Variants in DGKB observed in about 807,000 individuals in gnomAD.
DGKB encodes diacylglycerol kinase beta, also known as 90 kDa diacylglycerol kinase.
A neutral mutation model predicts 114.3 loss-of-function variants in DGKB; 67 were observed. The observed-to-expected ratio is 0.59, with a 90% CI of 0.48 to 0.72. The LOEUF (loss-of-function observed/expected upper bound fraction) is 0.72, where lower values mean the gene tolerates loss of function less well. DGKB is among the 30% of genes least tolerant of loss of function. The pLI, the probability that DGKB is intolerant of heterozygous loss-of-function variation, is 0.00. For missense variants in DGKB, 907 were observed against 975.2 expected, an observed-to-expected ratio of 0.93 and a Z score of 0.93; for synonymous variants, 398 against 323.1, an observed-to-expected ratio of 1.23 and a Z score of -2.49.
intron 23 of DGKB, among the ~76,000 whole-genome samples, chr7:14,216,725 C>CAAAAAA (rs755191130): frequency 3.4e-4 from 17 of 50,282 alleles, no homozygotes; most frequent in South Asian, 7.3e-4. Flanking sequence ...GACTCCGTCT[C>CAAAAAA]AAAAAAAAAA....
At chr7:14,551,437 C>T (rs1182146181) in intron 20 of DGKB, among the ~76,000 whole-genome samples, 1 of 152,182 alleles carries the variant, frequency 6.6e-6, no homozygotes, top group Non-Finnish European at 1.5e-5. Flanking sequence ...GAAGCCTTTA[C>T]AATTCTTATT....
At chr7:14,237,059 T>C (rs1248121848) in intron 23 of DGKB, among the ~76,000 whole-genome samples, 1 of 151,978 alleles carries the variant, frequency 6.6e-6, no homozygotes, top group Non-Finnish European at 1.5e-5. Context: ...CTTAAATTTG[T>C]GCTCTTCCTG....
At chr7:14,871,887 T>A (rs998576807) in intron 1 of DGKB, among the ~76,000 whole-genome samples, 2 of 152,206 alleles carry the variant, frequency 1.3e-5, no homozygotes, top group Non-Finnish European at 2.9e-5. Flanking sequence ...TTAGTTTTCA[T>A]ACTTTTATTT....
intron 13 of DGKB, among the ~76,000 whole-genome samples, chr7:14,639,570 G>C (rs1013412010): frequency 3.3e-5 from 5 of 152,154 alleles, no homozygotes; most frequent in Non-Finnish European, 5.9e-5. Flanking sequence ...CCTAGATAAT[G>C]ACTGACACAT....
intron 23 of DGKB, among the ~76,000 whole-genome samples, chr7:14,179,397 T>A (rs191790155): frequency 6.6e-6 from 1 of 152,348 alleles, no homozygotes; most frequent in Non-Finnish European, 1.5e-5. Flanking sequence ...AATACACAAT[T>A]GTACATTGTT....
At chr7:14,882,517 A>G (rs755852571) in intron 1 of DGKB, among the ~76,000 whole-genome samples, 1 of 152,016 alleles carries the variant, frequency 6.6e-6, no homozygotes, top group Non-Finnish European at 1.5e-5. Flanking sequence ...TGGTCAAGTC[A>G]GAGCTTTTGG....
intron 21 of DGKB, among the ~76,000 whole-genome samples, chr7:14,402,672 A>G (rs1823322276): frequency 6.6e-6 from 1 of 151,948 alleles, no homozygotes; most frequent in African/African-American, 2.4e-5. Flanking sequence ...AAGAGTGATC[A>G]TTAATTTTAT....
At chr7:14,315,588 C>A (rs1806320610) in intron 23 of DGKB, among the ~76,000 whole-genome samples, 1 of 148,560 alleles carries the variant, frequency 6.7e-6, no homozygotes, top group South Asian at 2.1e-4. Flanking sequence ...GCTAACTATC[C>A]TAAATATATA....
chr7:14,528,058 A>G (rs1790928659), intron 20 of DGKB, among the ~76,000 whole-genome samples: 1 of 152,132 alleles, frequency 6.6e-6, no homozygotes, highest in Non-Finnish European at 1.5e-5. Context: ...TTAGAGAAAA[A>G]TAACTTGCTG....
chr7:14,185,237 G>C (rs1225269398), intron 23 of DGKB, among the ~76,000 whole-genome samples: 1 of 152,058 alleles, frequency 6.6e-6, no homozygotes. Flanking sequence ...CGACCAAGTG[G>C]AGAATCAAAT....
chr7:14,463,696 G>A (rs558657675), intron 21 of DGKB, among the ~76,000 whole-genome samples: 3 of 152,268 alleles, frequency 2.0e-5, no homozygotes, highest in African/African-American at 7.2e-5. Context: ...TAGACAGAAT[G>A]TTTAGTAAAT....
intron 2 of DGKB, among the ~76,000 whole-genome samples, chr7:14,778,233 T>A (rs1838509097): frequency 6.6e-6 from 1 of 152,200 alleles, no homozygotes; most frequent in Admixed American, 6.5e-5. Context: ...TGGAACTTAT[T>A]GTTATTTTAT....
At chr7:14,867,002 A>G (rs1201262151) in intron 1 of DGKB, among the ~76,000 whole-genome samples, 1 of 152,164 alleles carries the variant, frequency 6.6e-6, no homozygotes, top group Non-Finnish European at 1.5e-5. Context: ...ATCTTTTCAC[A>G]TGCTTATTTA....
At chr7:14,861,056 A>C (rs1850907123) in intron 1 of DGKB, among the ~76,000 whole-genome samples, 1 of 151,996 alleles carries the variant, frequency 6.6e-6, no homozygotes, top group Non-Finnish European at 1.5e-5. Context: ...ATTCAGACTC[A>C]GAATGCAAAA....
chr7:14,229,460 A>G (rs1483483292), intron 23 of DGKB, among the ~76,000 whole-genome samples: 1 of 152,032 alleles, frequency 6.6e-6, no homozygotes, highest in Admixed American at 6.6e-5. Flanking sequence ...CAGTAAGAAT[A>G]CGGTATTATA....
intron 21 of DGKB, among the ~76,000 whole-genome samples, chr7:14,393,211 G>C (rs758734461): frequency 3.3e-5 from 5 of 151,448 alleles, no homozygotes; most frequent in African/African-American, 1.2e-4. Context: ...GGATGGTCTC[G>C]ATCTCCTGAC....
At chr7:14,222,419 T>G (rs1251835817) in intron 23 of DGKB, among the ~76,000 whole-genome samples, 1 of 151,360 alleles carries the variant, frequency 6.6e-6, no homozygotes, top group Non-Finnish European at 1.5e-5. Flanking sequence ...AGAGTATGTT[T>G]TTGAATTTTC....
At chr7:14,239,579 A>T (rs1427937299) in intron 23 of DGKB, among the ~76,000 whole-genome samples, 1 of 152,036 alleles carries the variant, frequency 6.6e-6, no homozygotes, top group African/African-American at 2.4e-5. Context: ...CTTTCTAGGT[A>T]GATAATTAGC....
intron 4 of DGKB, among the ~76,000 whole-genome samples, chr7:14,738,043 A>G (rs1586116590): frequency 6.6e-6 from 1 of 152,248 alleles, no homozygotes; most frequent in Non-Finnish European, 1.5e-5. Context: ...TTCAGCCAAC[A>G]CTTAAAAACA....
Sources: gnomAD v4.1 joint callset for allele counts (sites outside exome capture counted in the v4.1 genomes callset) on GRCh38, gnomAD v4.1.1 for gene constraint, MANE v1.5 for transcripts, NCBI Gene and HGNC (gene_info 2026-07-23, HGNC 2026-07-21) for gene names.